TTC7A: variants seen among roughly 807,000 people sequenced by gnomAD.
TTC7A encodes tetratricopeptide repeat protein 7A.
A neutral mutation model predicts 103.7 loss-of-function variants in TTC7A; 110 were observed. That is an observed-to-expected ratio of 1.06 (90% CI 0.91 to 1.24). The LOEUF (loss-of-function observed/expected upper bound fraction) is 1.24. Among genes scored for constraint, TTC7A ranks in the 50% most tolerant of loss-of-function variants. The pLI, the probability that TTC7A is intolerant of heterozygous loss-of-function variation, is 0.00. For missense variants in TTC7A, 1,340 were observed against 1,116.3 expected (o/e 1.20, Z -2.86); for synonymous variants, 521 against 467.9 (o/e 1.11, Z -1.47).
At chr2:46,989,698 T>G (rs1322707939) in intron 5 of TTC7A, among the ~76,000 whole-genome samples, 1 of 152,146 alleles carries the variant, frequency 6.6e-6, no homozygotes. Flanking sequence ...TTATTTGGTT[T>G]GCAAAAGAAT....
At chr2:46,991,059 C>T (rs1371559460) in intron 5 of TTC7A, among the ~76,000 whole-genome samples, 1 of 152,124 alleles carries the variant, frequency 6.6e-6, no homozygotes, top group Non-Finnish European at 1.5e-5. Context: ...ACTACAGGCA[C>T]GGGCGCCACC....
intron 18 of TTC7A, among the ~76,000 whole-genome samples, chr2:47,057,809 C>T (rs900614197): frequency 2.6e-5 from 4 of 152,218 alleles, no homozygotes; most frequent in African/African-American, 9.7e-5. Flanking sequence ...ATGCCTCCTC[C>T]CTCAGGAAGA....
intron 16 of TTC7A, among the ~76,000 whole-genome samples, chr2:47,048,132 C>G (rs1166679407): frequency 6.6e-6 from 1 of 152,182 alleles, no homozygotes; most frequent in African/African-American, 2.4e-5. Flanking sequence ...CCCCTCAGGC[C>G]CTGTCCAGAT....
rs773102732 is a variant in TTC7A, at chr2:46,993,516, G to T, written c.831G>T (p.Gln277His). The T allele has an allele frequency of 2.5e-6, 4 of 1,614,052 alleles. No homozygotes were observed. Among genetic ancestry groups the T allele is most frequent in the Non-Finnish European group, 3.4e-6 (4 of 1,180,036 alleles). ...GGACTGTGGAGACCAAAGCAACTCA[G>T]AACTTCAAAGTGGTAATGTGGGGTG... ...VLRTVETKATQNFKVMAAKHL... is the reference protein window; with the variant it reads ...VLRTVETKATHNFKVMAAKHL... Residue 277 changes from glutamine to histidine, a missense_variant, in exon 6 of 20, where the codon CAG (glutamine) becomes CAT (histidine). By Grantham distance (24) the Gln-to-His change is conservative (BLOSUM62 0). Coordinates refer to ENST00000319190, the MANE Select transcript of TTC7A (RefSeq NM_020458.4).
intron 12 of TTC7A, among the ~76,000 whole-genome samples, chr2:47,022,759 C>T (rs1197133032): frequency 6.6e-6 from 1 of 152,206 alleles, no homozygotes. Flanking sequence ...GTGAGGGAGT[C>T]ATCAGCCCCT....
intron 18 of TTC7A, among the ~76,000 whole-genome samples, chr2:47,057,458 T>C (rs1573055609): frequency 6.6e-6 from 1 of 152,088 alleles, no homozygotes. Context: ...TTGGGTGGGG[T>C]ACCCTCTAAT....
intron 8 of TTC7A, among the ~76,000 whole-genome samples, chr2:47,003,569 C>G (rs1266533412): frequency 6.6e-6 from 1 of 152,148 alleles, no homozygotes; most frequent in Non-Finnish European, 1.5e-5. Flanking sequence ...GCCCACTATC[C>G]CCTGAACAAG....
intron 15 of TTC7A, among the ~76,000 whole-genome samples, chr2:47,040,699 C>T (rs1246368781): frequency 6.6e-6 from 1 of 152,146 alleles, no homozygotes; most frequent in East Asian, 1.9e-4. Flanking sequence ...AGCAGGAGTC[C>T]CTTCCCTGTG....
chr2:46,955,985 A>T (rs1388984169), intron 2 of TTC7A, among the ~76,000 whole-genome samples: 1 of 152,174 alleles, frequency 6.6e-6, no homozygotes, highest in Non-Finnish European at 1.5e-5. Flanking sequence ...GGGAGGTTAC[A>T]AGGAGAACTG....
chr2:46,948,966 G>T (rs1671167616), intron 1 of TTC7A, among the ~76,000 whole-genome samples: 1 of 152,186 alleles, frequency 6.6e-6, no homozygotes, highest in African/African-American at 2.4e-5. Flanking sequence ...TCGCTGTGGG[G>T]TAGTTGAGAG....
At chr2:46,986,114 T>C (rs1454659375) in intron 5 of TTC7A, among the ~76,000 whole-genome samples, 2 of 152,202 alleles carry the variant, frequency 1.3e-5, no homozygotes, top group South Asian at 2.1e-4. Flanking sequence ...CTTAAGGTGC[T>C]AGAAGCAGAA....
chr2:47,065,010 C>T (rs1345734846), intron 19 of TTC7A, among the ~76,000 whole-genome samples: 1 of 152,206 alleles, frequency 6.6e-6, no homozygotes, highest in African/African-American at 2.4e-5. Flanking sequence ...CTTAGAGGCC[C>T]AGCTCAGTGG....
chr2:46,966,022 T>C (rs530347078), intron 3 of TTC7A, among the ~76,000 whole-genome samples: 33 of 152,262 alleles, frequency 2.2e-4, no homozygotes, highest in Admixed American at 2.0e-3. Context: ...CGATCTCAGC[T>C]CACCGCAACC....
At chr2:46,977,282 C>G (rs1247174480) in intron 4 of TTC7A, among the ~76,000 whole-genome samples, 1 of 152,206 alleles carries the variant, frequency 6.6e-6, no homozygotes, top group East Asian at 1.9e-4. Context: ...CTTGTGCATC[C>G]TCAGAAATAC....
intron 18 of TTC7A, among the ~76,000 whole-genome samples, chr2:47,055,014 G>A (rs777998154): frequency 1.1e-4 from 16 of 151,892 alleles, no homozygotes; most frequent in Admixed American, 3.3e-4. Flanking sequence ...CCCCTCCCCT[G>A]GCTGCCATCA....
chr2:46,981,278 C>T (rs889650872), intron 5 of TTC7A, among the ~76,000 whole-genome samples: 3 of 151,910 alleles, frequency 2.0e-5, no homozygotes, highest in Non-Finnish European at 4.4e-5. Context: ...AGAGGACACA[C>T]TGCTTGTAGC....
intron 1 of TTC7A, among the ~76,000 whole-genome samples, chr2:46,947,472 T>C (rs1385594643): frequency 6.6e-6 from 1 of 152,200 alleles, no homozygotes; most frequent in Non-Finnish European, 1.5e-5. Context: ...TCCTAGCATT[T>C]TGGGAGGCCG....
intron 18 of TTC7A, among the ~76,000 whole-genome samples, chr2:47,054,876 A>G (rs1462071990): frequency 3.3e-5 from 5 of 151,784 alleles, no homozygotes; most frequent in Admixed American, 3.3e-4. Context: ...CTGCTAGAAG[A>G]AGGGGAGAAT....
At chr2:47,029,176 G>A (rs1680238775) in intron 14 of TTC7A, 48 bp from the exon 15 acceptor site, 2 of 1,606,074 alleles carry the variant, frequency 1.2e-6, no homozygotes, top group Non-Finnish European at 1.7e-6. Flanking sequence ...CTGAGTCCCA[G>A]GGCAGCATGT....
Sources: gnomAD v4.1 joint callset for allele counts (sites outside exome capture counted in the v4.1 genomes callset) on GRCh38, gnomAD v4.1.1 for gene constraint, MANE v1.5 for transcripts, NCBI Gene and HGNC (gene_info 2026-07-23, HGNC 2026-07-21) for gene names.